The following ADCY10 variants were observed in gnomAD, a reference collection of about 807,000 sequenced individuals.
ADCY10 encodes the protein adenylate cyclase 10.
Under a neutral mutation model 183.3 loss-of-function variants are expected in ADCY10, and 156 were observed. That is an observed-to-expected ratio of 0.85 (90% CI 0.75 to 0.97). The LOEUF (loss-of-function observed/expected upper bound fraction) is 0.97, where lower values mean the gene tolerates loss of function less well. ADCY10 is among the 50% of genes least tolerant of loss of function. The probability of loss-of-function intolerance (pLI) is 0.00; values close to 1 mark genes in which losing one functional copy is unlikely to be tolerated. For missense variants in ADCY10, 1,745 were observed against 1,934.3 expected, an observed-to-expected ratio of 0.90 and a Z score of 1.84; for synonymous variants, 645 against 670.0, an observed-to-expected ratio of 0.96 and a Z score of 0.58.
chr1:167,829,358 CTA>C lies in ADCY10; in HGVS notation c.3657_3658del (p.Tyr1219Ter), dbSNP rs1260500638. 6.2e-7 allele frequency: 1 copy of C among 1,614,166 alleles called. No homozygotes were observed. On this transcript the variant is annotated stop_gained and frameshift_variant, in exon 26 of 33. Transcript: ENST00000367851. LOFTEE classifies it high-confidence loss of function. Reference sequence around the variant, plus strand: ...CTTGCAGTGAAAAAGATAACTGTAGCTATAGATGCGCCACAGCAAGGAAAGGC... The same window carrying C: ...CTTGCAGTGAAAAAGATAACTGTAGCTAGATGCGCCACAGCAAGGAAAGGC...
intron 14 of ADCY10, among the ~76,000 whole-genome samples, chr1:167,864,582 T>G (rs1025724787): frequency 6.1e-5 from 9 of 147,002 alleles, no homozygotes; most frequent in Non-Finnish European, 1.4e-4. Context: ...AAAAGGAAAG[T>G]CAAAGAGAGA....
intron 14 of ADCY10, 37 bp downstream of exon 14, chr1:167,870,220 A>G (rs1183431470): frequency 1.9e-6 from 3 of 1,612,434 alleles, no homozygotes; most frequent in East Asian, 2.2e-5. Flanking sequence ...TCAGGATTCT[A>G]TGGGTTCACA....
chr1:167,872,815 T>C (rs1046995852), intron 13 of ADCY10, among the ~76,000 whole-genome samples: 3 of 150,714 alleles, frequency 2.0e-5, no homozygotes, highest in African/African-American at 7.3e-5. Context: ...CTCACGTCTG[T>C]AATCCCAGCA....
At chr1:167,883,724 G>T in intron 8 of ADCY10, 96 bp from the exon 9 acceptor site, 1 of 1,134,528 alleles carries the variant, frequency 8.8e-7, no homozygotes, top group Non-Finnish European at 1.3e-6. Flanking sequence ...TCTAGGGAAT[G>T]TCTACCTCAG....
At chr1:167,884,011 G>A (rs1668051755) in intron 8 of ADCY10, among the ~76,000 whole-genome samples, 1 of 152,158 alleles carries the variant, frequency 6.6e-6, no homozygotes, top group South Asian at 2.1e-4. Flanking sequence ...TGTGTTACAT[G>A]AGATATTTTG....
At chr1:167,847,377 C>A (rs1171524890) in intron 19 of ADCY10, among the ~76,000 whole-genome samples, 1 of 151,926 alleles carries the variant, frequency 6.6e-6, no homozygotes, top group Non-Finnish European at 1.5e-5. Context: ...CCTTGAAAGT[C>A]ATTTTTCTTT....
chr1:167,865,903 C>T (rs1026676642), intron 14 of ADCY10, among the ~76,000 whole-genome samples: 6 of 152,196 alleles, frequency 3.9e-5, no homozygotes, highest in Non-Finnish European at 8.8e-5. Context: ...ATTCTACAGC[C>T]TGGAGTAATA....
Position 167,880,617 on chromosome 1 carries a change from G to A in ADCY10, c.1021-8C>T, listed in dbSNP as rs773430803. 6.3e-6 allele frequency: 10 copies of A among 1,594,176 alleles called. No individual in the cohort carries two copies. In the African/African-American group the frequency reaches 9.4e-5, roughly 15 times the overall value. ...ACAGAGGAAAGAGCAGCCCTGTGAG[G>A]GAGAGAGACAGCAACCACAGCTGAT... On this transcript the variant is annotated splice_region_variant and splice_polypyrimidine_tract_variant and intron_variant, in intron 9 of 32. Coordinates refer to ENST00000367851, the MANE Select transcript of ADCY10 (RefSeq NM_018417.6).
intron 19 of ADCY10, among the ~76,000 whole-genome samples, chr1:167,847,193 C>T (rs906762379): frequency 6.6e-6 from 1 of 152,020 alleles, no homozygotes; most frequent in African/African-American, 2.4e-5. Context: ...TCCCAAAGTG[C>T]TGGGATTACA....
At chr1:167,851,374 A>G (rs990738551) in intron 18 of ADCY10, among the ~76,000 whole-genome samples, 1 of 151,874 alleles carries the variant, frequency 6.6e-6, no homozygotes, top group African/African-American at 2.4e-5. Context: ...TTTAGTAGAG[A>G]TGGGGTTTTG....
At chr1:167,897,496 CAA>C (rs1333005456) in intron 6 of ADCY10, among the ~76,000 whole-genome samples, 1 of 135,866 alleles carries the variant, frequency 7.4e-6, no homozygotes, top group Non-Finnish European at 1.6e-5. Context: ...GATTCCATCT[CAA>C]AAAAAAATAT....
chr1:167,834,366 C>T, intron 23 of ADCY10: 1 of 489,574 alleles, frequency 2.0e-6, no homozygotes, highest in East Asian at 3.9e-5. Flanking sequence ...GTTGCCTTAC[C>T]CGAAGTTTCC....
chr1:167,895,279 T>C (rs1668885957), intron 7 of ADCY10, among the ~76,000 whole-genome samples: 1 of 151,898 alleles, frequency 6.6e-6, no homozygotes, highest in Non-Finnish European at 1.5e-5. Flanking sequence ...ACCCAGGAGA[T>C]GGCATTAGTA....
Position 167,809,582 on chromosome 1 carries a change from T to C in ADCY10, c.*96A>G. The stretch of plus-strand genomic sequence containing the variant: ...TTTCTGTGTCTGGAACAGAAGAGAT[T>C]ATGTAGGAACCTGGAGTGGGCCAGC... On this transcript the variant is annotated 3_prime_UTR_variant, in exon 33 of 33. Coordinates refer to ENST00000367851, the MANE Select transcript of ADCY10 (RefSeq NM_018417.6). The C allele has an allele frequency of 5.4e-6, 7 of 1,306,690 alleles. No individual in the cohort carries two copies. The highest frequency in any genetic ancestry group is 7.7e-6 in the Non-Finnish European group (7 of 904,376). The allele number at this position is 1,306,690 out of a possible 1,614,324, so 80.9% of individuals were successfully genotyped here. A position where few individuals can be genotyped will look rare whatever the true frequency, so the allele number is the denominator to read the frequency against.
intron 14 of ADCY10, among the ~76,000 whole-genome samples, chr1:167,863,465 G>A (rs926439788): frequency 1.3e-5 from 2 of 151,966 alleles, no homozygotes; most frequent in Non-Finnish European, 1.5e-5. Flanking sequence ...AGCATCAGAC[G>A]AGCTCGGATT....
intron 23 of ADCY10, 138 bp from the exon 24 acceptor site, chr1:167,834,215 C>T (rs1222343971): frequency 1.7e-5 from 12 of 713,776 alleles, no homozygotes; most frequent in Non-Finnish European, 2.8e-5. Flanking sequence ...TCCCCAGCTC[C>T]ACTGATTAAA....
Position 167,848,291 on chromosome 1 carries a change from C to T in ADCY10, c.2437+70G>A, listed in dbSNP as rs547539541. The T allele has an allele frequency of 7.8e-4, 1,036 of 1,320,062 alleles. 15 individuals carry two copies. In the South Asian group the frequency reaches 0.011, roughly 14 times the overall value. 81.8% of individuals were successfully genotyped at this position (1,320,062 alleles called of 1,614,324 possible). On this transcript the variant is annotated intron_variant, in intron 19 of 32. Transcript: ENST00000367851. Reference sequence around the variant, plus strand: ...GTCTCAAACTCCTGACCTTGTGATCCGCCCGCCTCGGCCTCCCAAAGTGCT... The same window carrying T: ...GTCTCAAACTCCTGACCTTGTGATCTGCCCGCCTCGGCCTCCCAAAGTGCT...
At chr1:167,813,700 CG>C (rs1269745795) in intron 31 of ADCY10, among the ~76,000 whole-genome samples, 1 of 152,222 alleles carries the variant, frequency 6.6e-6, no homozygotes, top group African/African-American at 2.4e-5. Context: ...GAGATTAATA[CG>C]TTTTTAAAAT....
chr1:167,832,270 G>C (rs996453692), intron 25 of ADCY10, among the ~76,000 whole-genome samples: 4 of 152,072 alleles, frequency 2.6e-5, no homozygotes, highest in African/African-American at 7.2e-5. Context: ...GAATATTTTT[G>C]AAAACATTTA....
Sources: allele counts gnomAD v4.1 joint callset (sites outside exome capture counted in the v4.1 genomes callset), GRCh38; gene constraint gnomAD v4.1.1; transcripts MANE v1.5; gene names NCBI Gene and HGNC (gene_info 2026-07-23, HGNC 2026-07-21).